Variants in IL15 observed in about 807,000 individuals in gnomAD.
The protein encoded by IL15 is interleukin 15.
IL15 carries 11 observed loss-of-function variants against 19.6 expected under a neutral mutation model. That is an observed-to-expected ratio of 0.56 (90% CI 0.35 to 0.93). The LOEUF (loss-of-function observed/expected upper bound fraction) is 0.93. Ranked by LOEUF, IL15 falls within the 40% of genes least tolerant of loss-of-function variation. The pLI, the probability that IL15 is intolerant of heterozygous loss-of-function variation, is 0.01. For synonymous variants in IL15, 58 were observed against 59.6 expected (o/e 0.97, Z 0.12); for missense variants, 197 against 186.5 (o/e 1.06, Z -0.33).
chr4:141,719,414 G>T lies in IL15; in HGVS notation c.-51G>T. Reference sequence around the variant, plus strand: ...GATGGATGGCTGCTGGAAACCCCTTGCCATAGCCAGCTCTTCTTCAATACT... The same window carrying T: ...GATGGATGGCTGCTGGAAACCCCTTTCCATAGCCAGCTCTTCTTCAATACT... On this transcript the variant is annotated 5_prime_UTR_variant, in exon 3 of 8. Transcript: ENST00000320650. 2 of 790,170 alleles carry T rather than the reference G, an allele frequency of 2.5e-6. No homozygotes were observed. The highest frequency in any genetic ancestry group is 4.5e-6 in the Non-Finnish European group (2 of 442,610). The allele number at this position is 790,170 out of a possible 1,614,324, so 48.9% of individuals were successfully genotyped here. A position where few individuals can be genotyped will look rare whatever the true frequency, so the allele number is the denominator to read the frequency against.
At chr4:141,684,266 T>G (rs1728636572) in intron 2 of IL15, among the ~76,000 whole-genome samples, 1 of 152,208 alleles carries the variant, frequency 6.6e-6, no homozygotes, top group Non-Finnish European at 1.5e-5. Context: ...GTAAATGAAT[T>G]TATTCAAGTA....
In IL15 at chr4:141,693,016, C is replaced by CAAAAAAAAAAAAAAAAAAAAAAAAA. The variant is rs70949131; in HGVS notation, c.-99-26348_-99-26324dup. Among the ~76,000 whole-genome samples the CAAAAAAAAAAAAAAAAAAAAAAAAA allele has an allele frequency of 2.7e-3, 63 of 23,236 alleles. 14 individuals carry two copies. Among genetic ancestry groups the CAAAAAAAAAAAAAAAAAAAAAAAAA allele is most frequent in the Middle Eastern group, 0.033 (1 of 30 alleles). 15.2% of individuals were successfully genotyped at this position (23,236 alleles called of 152,430 possible). On this transcript the variant is annotated intron_variant, in intron 2 of 7. Coordinates refer to ENST00000320650, the MANE Select transcript of IL15 (RefSeq NM_000585.5). ...AGGGGAACAGAGCAAGACTCCGTCT[C>CAAAAAAAAAAAAAAAAAAAAAAAAA]AAAAAAAAAAAAAAAAAAAAAAAAA... is the stretch of plus-strand genomic sequence containing the variant.
chr4:141,665,573 G>A (rs1181999316), intron 2 of IL15, among the ~76,000 whole-genome samples: 2 of 152,022 alleles, frequency 1.3e-5, no homozygotes, highest in Non-Finnish European at 1.5e-5. Context: ...AATTTCTTAT[G>A]AAATAATTTG....
intron 2 of IL15, among the ~76,000 whole-genome samples, chr4:141,694,770 G>C (rs185655496): frequency 5.3e-5 from 8 of 152,184 alleles, no homozygotes; most frequent in Non-Finnish European, 1.2e-4. Flanking sequence ...GGATATCTAA[G>C]AGGCATGAGA....
At chr4:141,645,950 G>A (rs1290677316) in intron 1 of IL15, among the ~76,000 whole-genome samples, 1 of 152,058 alleles carries the variant, frequency 6.6e-6, no homozygotes, top group South Asian at 2.1e-4. Flanking sequence ...TATAAGAGAG[G>A]AAGTTGGAGC....
intron 2 of IL15, among the ~76,000 whole-genome samples, chr4:141,669,361 C>T (rs1728095549): frequency 6.6e-6 from 1 of 152,070 alleles, no homozygotes; most frequent in East Asian, 1.9e-4. Flanking sequence ...GTAGTGTTGA[C>T]TTAAATTAGT....
At chr4:141,649,410 G>C (rs1320222468) in intron 1 of IL15, among the ~76,000 whole-genome samples, 1 of 152,010 alleles carries the variant, frequency 6.6e-6, no homozygotes. Flanking sequence ...GTGGTGACTG[G>C]TGCAGGGACT....
At position 141,721,926 on chromosome 4, in the gene IL15, G is replaced by C; in HGVS notation, c.113G>C (p.Cys38Ser). ...EAGIHVFILGCFSAGLPKTEA... is the reference protein window; with the variant it reads ...EAGIHVFILGSFSAGLPKTEA... The stretch of plus-strand genomic sequence containing the variant: ...TTGCTCTATGGTTTTTCTTTCAGCT[G>C]TTTCAGTGCAGGGCTTCCTAAAACA... The change falls in exon 5 of 8, where the codon TGT becomes TCT. Residue 38 changes from cysteine (C) to serine (S), a missense_variant and splice_region_variant. Cys to Ser is a moderately radical substitution (Grantham distance 112). Coordinates refer to ENST00000320650, the MANE Select transcript of IL15 (RefSeq NM_000585.5). The C allele has an allele frequency of 5.1e-6, 8 of 1,581,882 alleles. No homozygotes were observed. The highest frequency in any genetic ancestry group is 6.9e-6 in the Non-Finnish European group (8 of 1,157,660).
intron 1 of IL15, among the ~76,000 whole-genome samples, chr4:141,653,370 T>G (rs1727476764): frequency 6.6e-6 from 1 of 152,204 alleles, no homozygotes; most frequent in Admixed American, 6.5e-5. Flanking sequence ...TAATATTTTG[T>G]GGTATTTTGA....
intron 5 of IL15, among the ~76,000 whole-genome samples, chr4:141,724,260 A>G (rs1018587389): frequency 7.9e-5 from 12 of 152,102 alleles, no homozygotes; most frequent in African/African-American, 2.9e-4. Flanking sequence ...TTCATAATAC[A>G]TAGAATGAAA....
chr4:141,713,475 A>G (rs1729774756), intron 2 of IL15, among the ~76,000 whole-genome samples: 1 of 152,222 alleles, frequency 6.6e-6, no homozygotes, highest in Non-Finnish European at 1.5e-5. Context: ...TGAGTTAATC[A>G]CTGGCAACAA....
intron 2 of IL15, chr4:141,718,217 G>A (rs202123172): frequency 1.3e-5 from 2 of 152,006 alleles, no homozygotes; most frequent in Non-Finnish European, 2.9e-5. Context: ...AAGTAGCTTC[G>A]TAAGGCCTAA....
intron 5 of IL15, among the ~76,000 whole-genome samples, chr4:141,725,925 G>A (rs1377689874): frequency 6.6e-6 from 1 of 152,126 alleles, no homozygotes; most frequent in Non-Finnish European, 1.5e-5. Flanking sequence ...TCCTGCTGGT[G>A]GGGGCTCTCT....
chr4:141,709,468 A>C (rs1402127088), intron 2 of IL15, among the ~76,000 whole-genome samples: 1 of 152,206 alleles, frequency 6.6e-6, no homozygotes, highest in Non-Finnish European at 1.5e-5. Context: ...TTAAATAGTT[A>C]GGAATTTTAT....
intron 2 of IL15, among the ~76,000 whole-genome samples, chr4:141,667,763 C>A (rs921445775): frequency 6.6e-6 from 1 of 151,902 alleles, no homozygotes; most frequent in Non-Finnish European, 1.5e-5. Flanking sequence ...TGAGGTAATG[C>A]GGGGTGTATT....
At chr4:141,700,661 G>T (rs1729259266) in intron 2 of IL15, among the ~76,000 whole-genome samples, 1 of 152,052 alleles carries the variant, frequency 6.6e-6, no homozygotes, top group Non-Finnish European at 1.5e-5. Flanking sequence ...GTATTTGCAG[G>T]TCTAGATCTC....
intron 1 of IL15, among the ~76,000 whole-genome samples, chr4:141,653,440 G>A (rs1051178103): frequency 6.6e-6 from 1 of 152,086 alleles, no homozygotes; most frequent in Non-Finnish European, 1.5e-5. Flanking sequence ...GTTTCAAAGC[G>A]CTTTCCAATT....
At chr4:141,637,289 C>G (rs781718199) in intron 1 of IL15, 2 of 152,284 alleles carry the variant, frequency 1.3e-5, no homozygotes, top group African/African-American at 2.4e-5. Flanking sequence ...GTGCAGATGT[C>G]TGTGCGTGCG....
At chr4:141,700,485 A>G (rs1729247862) in intron 2 of IL15, among the ~76,000 whole-genome samples, 5 of 152,194 alleles carry the variant, frequency 3.3e-5, no homozygotes, top group Non-Finnish European at 7.3e-5. Flanking sequence ...TTCTGATGAG[A>G]GATCTGCTGT....
Sources: allele counts gnomAD v4.1 joint callset (sites outside exome capture counted in the v4.1 genomes callset), GRCh38; gene constraint gnomAD v4.1.1; transcripts MANE v1.5; gene names NCBI Gene and HGNC (gene_info 2026-07-23, HGNC 2026-07-21).